Variants in CYP4F12 observed in about 807,000 individuals in gnomAD.
CYP4F12 encodes cytochrome P450 family 4 subfamily F member 12.
In CYP4F12, 60 loss-of-function variants were observed where a neutral mutation model predicts 56.5. That is an observed-to-expected ratio of 1.06 (90% CI 0.86 to 1.32). The LOEUF (loss-of-function observed/expected upper bound fraction) is 1.32, where lower values mean the gene tolerates loss of function less well. CYP4F12 is among the 40% of genes most tolerant of loss of function. The pLI is 0.00. For synonymous variants in CYP4F12, 263 were observed against 264.9 expected (o/e 0.99, Z 0.07); for missense variants, 711 against 683.5 (o/e 1.04, Z -0.45).
rs1031674225 is a variant in CYP4F12 at position 15,695,913 on chromosome 19, C to G, written c.1116-23C>G. 5 of 1,595,700 alleles carry G rather than the reference C, an allele frequency of 3.1e-6. No individual in the cohort carries two copies. The African/African-American group carries it at 4.1e-5, about 13-fold the overall frequency. On this transcript the variant is annotated intron_variant, in intron 9 of 12. Transcript: ENST00000550308. ...TGTGTATTTGTTCCCTTGATAATGA[C>G]TGGGGCTGGGGTGTTTCCTTAGGGA...
At position 15,685,135 on chromosome 19, in the gene CYP4F12, G is replaced by A; in HGVS notation, c.1053G>A (p.Gln351=). 1 of 1,614,196 alleles carries A rather than the reference G, an allele frequency of 6.2e-7. No individual in the cohort carries two copies. The highest frequency in any genetic ancestry group is 8.5e-7 in the Non-Finnish European group (1 of 1,180,032). ...ACCTTGCGAGGCACCCAGAATACCA[G>A]GAGCGCTGCCGACAGGAGGTGCAAG... ...LYNLARHPEY[Q]ERCRQEVQEL... Residue 351 remains glutamine, a synonymous_variant, in exon 9 of 13, where the codon CAG becomes CAA. Transcript: ENST00000550308.
In CYP4F12 at chr19:15,682,484, C is replaced by T; in HGVS notation, c.621C>T (p.Ile207=). The change falls in exon 6 of 13, where the codon ATC becomes ATT. Residue 207 remains isoleucine, a synonymous_variant. Transcript: ENST00000550308. ...LMTLDSLQKC[I]FSFDSHCQER... is the part of the protein sequence containing the mutation. ...CCTTGGACAGTCTACAGAAATGCATCTTCAGCTTTGACAGCCATTGTCAGG... is the reference window on the plus strand; with the variant it reads ...CCTTGGACAGTCTACAGAAATGCATTTTCAGCTTTGACAGCCATTGTCAGG... 6.2e-7 allele frequency: 1 copy of T among 1,613,850 alleles called. No individual in the cohort carries two copies. Among genetic ancestry groups the T allele is most frequent in the Non-Finnish European group, 8.5e-7 (1 of 1,179,784 alleles).
chr19:15,684,756 T>TTGTG (rs3063212), intron 7 of CYP4F12, 60 bp from the exon 8 acceptor site: 37,703 of 1,030,914 alleles, frequency 0.037, 483 homozygotes, highest in African/African-American at 0.093. Flanking sequence ...ATAGTATAAT[T>TTGTG]TGTGTGTGTG....
At chr19:15,696,639 C>T (rs1276835790) in intron 12 of CYP4F12, 127 bp downstream of exon 12, 2 of 1,241,362 alleles carry the variant, frequency 1.6e-6, no homozygotes, top group East Asian at 2.3e-5. Context: ...TATGGGAAAA[C>T]GTCCATAGAA....
chr19:15,682,492 T>C lies in CYP4F12; in HGVS notation c.629T>C (p.Phe210Ser). 1 of 1,613,696 alleles carries C rather than the reference T, an allele frequency of 6.2e-7. No homozygotes were observed. Among genetic ancestry groups the C allele is most frequent in the South Asian group, 1.1e-5 (1 of 91,076 alleles). ...LDSLQKCIFS[F>S]DSHCQERPSE... ...AGTCTACAGAAATGCATCTTCAGCT[T>C]TGACAGCCATTGTCAGGAGTGAGTT... Residue 210 changes from phenylalanine (F) to serine (S), a missense_variant, in exon 6 of 13, where the codon TTT (phenylalanine) becomes TCT (serine). By Grantham distance (155) the Phe-to-Ser change is radical. Coordinates refer to ENST00000550308, the MANE Select transcript of CYP4F12 (RefSeq NM_023944.4).
At chr19:15,674,477 T>C (rs1409191870) in intron 2 of CYP4F12, among the ~76,000 whole-genome samples, 3 of 85,720 alleles carry the variant, frequency 3.5e-5, no homozygotes, top group Non-Finnish European at 4.8e-5. Flanking sequence ...ATTCCTCTCC[T>C]CACTCACTCA....
chr19:15,673,709 T>C lies in CYP4F12; in HGVS notation c.180T>C (p.Phe60=), dbSNP rs539046343. Residue 60 remains phenylalanine (F), a synonymous_variant, in exon 2 of 13, where the codon TTT becomes TTC. Transcript: ENST00000550308. ...CFPQPPKRNW[F]WGHLGLITPT... Reference sequence around the variant, plus strand: ...CACAGCCCCCAAAACGGAACTGGTTTTGGGGTCACCTGGGCCTGGTGAGTG... The same window carrying C: ...CACAGCCCCCAAAACGGAACTGGTTCTGGGGTCACCTGGGCCTGGTGAGTG... The C allele has an allele frequency of 4.8e-5, 78 of 1,613,946 alleles. 1 individual carries two copies. The South Asian group carries it at 7.5e-4, about 15-fold the overall frequency.
chr19:15,696,254 C>T (rs750195533), intron 11 of CYP4F12, 29 bp downstream of exon 11: 10 of 1,613,610 alleles, frequency 6.2e-6, no homozygotes, highest in Non-Finnish European at 8.5e-6. Flanking sequence ...ACCACCACCA[C>T]CCCCATCCTC....
intron 3 of CYP4F12, among the ~76,000 whole-genome samples, chr19:15,679,215 A>G (rs2007148938): frequency 6.6e-6 from 1 of 152,194 alleles, no homozygotes; most frequent in Admixed American, 6.5e-5. Context: ...TTCAGTTGTG[A>G]GTGATGGAAA....
At chr19:15,684,332 C>A (rs628391) in intron 7 of CYP4F12, 3,807 of 157,996 alleles carry the variant, frequency 0.024, 37 homozygotes, top group African/African-American at 0.088. Context: ...TTTGTTCTGG[C>A]GTATAAACTA....
At position 15,673,334 on chromosome 19, in the gene CYP4F12, T is replaced by C. The variant is rs1341603996; in HGVS notation, c.-1-195T>C. 6.6e-6 allele frequency: 4 copies of C among 603,538 alleles called. No individual in the cohort carries two copies. In the East Asian group the frequency reaches 1.1e-4, roughly 17 times the overall value. 37.4% of individuals were successfully genotyped at this position (603,538 alleles called of 1,614,324 possible). A position where few individuals can be genotyped will look rare whatever the true frequency, so the allele number is the denominator to read the frequency against. ...CCATCTCTTTCCCTTTCTGTGTGGT[T>C]ACCAGGTTACTGGAGGCCACTTAGT... On this transcript the variant is annotated intron_variant, in intron 1 of 12. Transcript: ENST00000550308.
chr19:15,678,262 T>A lies in CYP4F12; in HGVS notation c.200T>A (p.Ile67Asn), dbSNP rs755016017. 1 of 1,614,210 alleles carries A rather than the reference T, an allele frequency of 6.2e-7. No individual in the cohort carries two copies. The highest frequency in any genetic ancestry group is 1.1e-5 in the South Asian group (1 of 91,092). Residue 67 changes from isoleucine to asparagine, a missense_variant and splice_region_variant, in exon 3 of 13, where the codon ATC becomes AAC. By Grantham distance (149) the Ile-to-Asn change is moderately radical. Coordinates refer to ENST00000550308, the MANE Select transcript of CYP4F12 (RefSeq NM_023944.4). ...TGACAGCCCTTGACTTGCTTTCAGA[T>A]CACTCCTACAGAGGAGGGCTTGAAG... ...RNWFWGHLGL[I>N]TPTEEGLKNS...
chr19:15,696,884 C>T (rs781325681), intron 12 of CYP4F12, 24 bp from the exon 13 acceptor site: 15 of 1,597,164 alleles, frequency 9.4e-6, no homozygotes, highest in African/African-American at 1.3e-5. Context: ...TGGGCACAGT[C>T]ACAGTCCCCA....
In CYP4F12 at chr19:15,680,677, C is replaced by G. The variant is rs374385810; in HGVS notation, c.525+158C>G. Reference sequence around the variant, plus strand: ...ATCTGTAAAATGGGGATGATAATCCCTACTTGAAAGGTCATTTACTTGGCA... The same window carrying G: ...ATCTGTAAAATGGGGATGATAATCCGTACTTGAAAGGTCATTTACTTGGCA... On this transcript the variant is annotated intron_variant, in intron 5 of 12. Transcript: ENST00000550308. The G allele has an allele frequency of 4.1e-6, 4 of 972,470 alleles. No individual in the cohort carries two copies. The African/African-American group carries it at 6.4e-5, about 15-fold the overall frequency. The allele number at this position is 972,470 out of a possible 1,614,324, so 60.2% of individuals were successfully genotyped here.
chr19:15,691,489 A>G (rs1257802218), intron 9 of CYP4F12, among the ~76,000 whole-genome samples: 3 of 152,150 alleles, frequency 2.0e-5, no homozygotes, highest in Non-Finnish European at 2.9e-5. Flanking sequence ...GTATTATTGT[A>G]TTATTAAATT....
chr19:15,682,302 T>TG, intron 5 of CYP4F12, 87 bp from the exon 6 acceptor site: 1 of 1,550,316 alleles, frequency 6.5e-7, no homozygotes, highest in Non-Finnish European at 8.7e-7. Context: ...AGGCTGGTTG[T>TG]GGGGGAGTCC....
At chr19:15,679,112 G>A (rs1032257937) in intron 3 of CYP4F12, among the ~76,000 whole-genome samples, 8 of 152,164 alleles carry the variant, frequency 5.3e-5, no homozygotes, top group African/African-American at 1.9e-4. Flanking sequence ...CTGAGCTAGG[G>A]AAGTGGCAGC....
chr19:15,695,920 T>A lies in CYP4F12; in HGVS notation c.1116-16T>A. The A allele has an allele frequency of 1.2e-6, 2 of 1,609,692 alleles. No homozygotes were observed. Among genetic ancestry groups the A allele is most frequent in the Non-Finnish European group, 1.7e-6 (2 of 1,178,604 alleles). ...TTGTTCCCTTGATAATGACTGGGGC[T>A]GGGGTGTTTCCTTAGGGACGACCTG... On this transcript the variant is annotated splice_polypyrimidine_tract_variant and intron_variant, in intron 9 of 12. Coordinates refer to ENST00000550308, the MANE Select transcript of CYP4F12 (RefSeq NM_023944.4).
chr19:15,695,509 A>G (rs10402258), intron 9 of CYP4F12, among the ~76,000 whole-genome samples: 1 of 150,280 alleles, frequency 6.7e-6, no homozygotes, highest in Non-Finnish European at 1.5e-5. Flanking sequence ...ATAATAAAAA[A>G]AAAAAAACAA....
Sources: allele counts gnomAD v4.1 joint callset (sites outside exome capture counted in the v4.1 genomes callset), GRCh38; gene constraint gnomAD v4.1.1; transcripts MANE v1.5; gene names NCBI Gene and HGNC (gene_info 2026-07-23, HGNC 2026-07-21).